The following RGPD2 variants were observed in gnomAD, a reference collection of about 807,000 sequenced individuals.
The protein encoded by RGPD2 is RANBP2 like and GRIP domain containing 2.
Under a neutral mutation model 36.0 loss-of-function variants are expected in RGPD2, and 2 were observed. The observed-to-expected ratio is 0.06, with a 90% CI of 0.02 to 0.17. RGPD2 has a LOEUF of 0.17. RGPD2 is among the 10% of genes least tolerant of loss of function. RGPD2 has a pLI of 1.00. For missense variants in RGPD2, 40 were observed against 464.3 expected (o/e 0.09, Z 8.40); for synonymous variants, 19 against 163.8 (o/e 0.12, Z 6.75).
chr2:87,930,777 C>T, the RGPD2 span, among the ~76,000 whole-genome samples: 1 of 148,034 alleles, frequency 6.8e-6, no homozygotes, highest in African/African-American at 2.5e-5. Context: ...TCAATTTCTT[C>T]CTGGTTCAAT....
chr2:87,892,659 TGAG>T, the RGPD2 span, among the ~76,000 whole-genome samples: 1 of 150,746 alleles, frequency 6.6e-6, no homozygotes, highest in Non-Finnish European at 1.5e-5. Flanking sequence ...GTGATGTTAC[TGAG>T]TTTTCAACTG....
chr2:87,824,257 G>A (rs901241397), intron 1 of RGPD2, among the ~76,000 whole-genome samples: 2 of 151,614 alleles, frequency 1.3e-5, no homozygotes, highest in African/African-American at 2.4e-5. Context: ...CTCCCAAAGT[G>A]CTCGGATTAC....
the RGPD2 span, among the ~76,000 whole-genome samples, chr2:87,984,157 G>A: frequency 6.6e-6 from 1 of 150,966 alleles, no homozygotes; most frequent in African/African-American, 2.4e-5. Context: ...TTTACTTATA[G>A]AGAAATAAGA....
chr2:87,917,158 C>G, the RGPD2 span, among the ~76,000 whole-genome samples: 1 of 151,714 alleles, frequency 6.6e-6, no homozygotes, highest in African/African-American at 2.4e-5. Flanking sequence ...GGAGTCCAGT[C>G]CAGCTGGAGC....
the RGPD2 span, among the ~76,000 whole-genome samples, chr2:87,915,406 ATAT>A: frequency 7.0e-6 from 1 of 141,872 alleles, no homozygotes; most frequent in South Asian, 2.1e-4. Flanking sequence ...TATATTATAT[ATAT>A]TGTATATATG....
chr2:87,984,873 T>C, the RGPD2 span, among the ~76,000 whole-genome samples: 4 of 147,854 alleles, frequency 2.7e-5, no homozygotes, highest in Non-Finnish European at 5.9e-5. Flanking sequence ...GAGCCTGTAG[T>C]GAGCTGAGAT....
At chr2:87,824,794 G>GCC (rs1686594521) in intron 1 of RGPD2, 6 of 21,318 alleles carry the variant, frequency 2.8e-4, no homozygotes, top group African/African-American at 9.7e-4. Flanking sequence ...CCGAGGCCGA[G>GCC]GCCGCCGCCG....
At chr2:87,988,183 C>A in the RGPD2 span, among the ~76,000 whole-genome samples, 2 of 134,520 alleles carry the variant, frequency 1.5e-5, no homozygotes, top group Admixed American at 8.0e-5. Flanking sequence ...CGTTTGTTGG[C>A]AAATCCCTTC....
At chr2:87,799,367 C>CAA (rs1183710299) in intron 8 of RGPD2, among the ~76,000 whole-genome samples, 4 of 10,166 alleles carry the variant, frequency 3.9e-4, no homozygotes, top group East Asian at 5.2e-3. Context: ...GACTCCGTCT[C>CAA]AAAAAAAAAA....
chr2:87,893,387 A>C, the RGPD2 span, among the ~76,000 whole-genome samples: 1 of 147,190 alleles, frequency 6.8e-6, no homozygotes, highest in Non-Finnish European at 1.5e-5. Flanking sequence ...TTCTTTTGAC[A>C]TTCTCTGGTC....
the RGPD2 span, among the ~76,000 whole-genome samples, chr2:87,859,532 A>T: frequency 6.6e-6 from 1 of 152,142 alleles, no homozygotes; most frequent in African/African-American, 2.4e-5. Context: ...ACATGTACAC[A>T]CACATTCCTC....
the RGPD2 span, among the ~76,000 whole-genome samples, chr2:87,857,761 A>C: frequency 1.0e-4 from 15 of 145,956 alleles, no homozygotes; most frequent in South Asian, 3.0e-3. Flanking sequence ...ACACGGTGAA[A>C]CCCCATCTCT....
At chr2:87,940,027 A>G in the RGPD2 span, among the ~76,000 whole-genome samples, 159 of 151,242 alleles carry the variant, frequency 1.1e-3, no homozygotes, top group Non-Finnish European at 1.8e-3. Flanking sequence ...AGTACTTGAA[A>G]CCATTACAAC....
chr2:87,780,483 TTAAAA>T (rs1352308506), intron 20 of RGPD2, among the ~76,000 whole-genome samples: 1 of 151,068 alleles, frequency 6.6e-6, no homozygotes, highest in East Asian at 1.9e-4. Context: ...GACCGTATCT[TTAAAA>T]TAAAAGATTA....
chr2:87,937,764 A>G, the RGPD2 span, among the ~76,000 whole-genome samples: 1 of 151,986 alleles, frequency 6.6e-6, no homozygotes, highest in African/African-American at 2.4e-5. Context: ...ATAAGTTAGC[A>G]AAGGAAATGT....
chr2:87,919,524 AG>A, the RGPD2 span, among the ~76,000 whole-genome samples: 1 of 152,072 alleles, frequency 6.6e-6, no homozygotes, highest in Admixed American at 6.6e-5. Flanking sequence ...TCAACAGCAG[AG>A]GTTGCAATAC....
intron 22 of RGPD2, among the ~76,000 whole-genome samples, chr2:87,760,638 G>T (rs1296025257): frequency 8.2e-4 from 6 of 7,324 alleles, no homozygotes; most frequent in East Asian, 3.4e-3. Flanking sequence ...TTTTTTTTGA[G>T]ACAGAGTCTT....
the RGPD2 span, among the ~76,000 whole-genome samples, chr2:87,839,928 A>G: frequency 6.6e-6 from 1 of 152,054 alleles, no homozygotes; most frequent in Non-Finnish European, 1.5e-5. Flanking sequence ...TTATTCCTCA[A>G]GAGTGTTTAC....
the RGPD2 span, among the ~76,000 whole-genome samples, chr2:87,936,326 C>T: frequency 6.6e-6 from 1 of 151,148 alleles, no homozygotes; most frequent in Admixed American, 6.6e-5. Context: ...AGCGAAAATT[C>T]TAATGGTATT....
Sources: allele counts gnomAD v4.1 joint callset (sites outside exome capture counted in the v4.1 genomes callset), GRCh38; gene constraint gnomAD v4.1.1; transcripts MANE v1.5; gene names NCBI Gene and HGNC (gene_info 2026-07-23, HGNC 2026-07-21).